Variants in ARHGAP31 observed in about 807,000 individuals in gnomAD.
The protein encoded by ARHGAP31 is rho GTPase-activating protein 31.
A neutral mutation model predicts 113.9 loss-of-function variants in ARHGAP31; 34 were observed. The observed-to-expected ratio is 0.30, with a 90% CI of 0.23 to 0.40. ARHGAP31 has a LOEUF of 0.40. Ranked by LOEUF, ARHGAP31 falls within the 10% of genes least tolerant of loss-of-function variation. ARHGAP31 has a pLI of 1.00. For missense variants in ARHGAP31, 1,548 were observed against 1,767.1 expected, an observed-to-expected ratio of 0.88 and a Z score of 2.22; for synonymous variants, 650 against 684.8, an observed-to-expected ratio of 0.95 and a Z score of 0.79.
chr3:119,295,588 AC>A (rs2079527688), intron 1 of ARHGAP31, among the ~76,000 whole-genome samples: 1 of 150,694 alleles, frequency 6.6e-6, no homozygotes, highest in Non-Finnish European at 1.5e-5. Flanking sequence ...CCTTTCCACA[AC>A]CCCCTCCCCG....
Position 119,402,081 on chromosome 3 carries a change from C to G in ARHGAP31, c.1329C>G (p.Ser443Arg), listed in dbSNP as rs749855882. ...KVFRPVEDPE[S>R]EQTAPKMLGM... ...TCCGGCCTGTTGAGGATCCGGAGAG[C>G]GAGCAAACAGCCCCAAAGATGTTGG... is the stretch of plus-strand genomic sequence containing the variant. Residue 443 changes from serine (S) to arginine (R), a missense_variant, in exon 10 of 12, where the codon AGC becomes AGG. Physicochemically the swap from Ser to Arg is moderately radical, Grantham distance 110. Transcript: ENST00000264245. The G allele has an allele frequency of 1.9e-6, 3 of 1,614,206 alleles. No homozygotes were observed. Among genetic ancestry groups the G allele is most frequent in the Non-Finnish European group, 2.5e-6 (3 of 1,180,036 alleles).
chr3:119,359,666 A>AAC (rs1228006143), intron 1 of ARHGAP31, among the ~76,000 whole-genome samples: 1 of 152,082 alleles, frequency 6.6e-6, no homozygotes, highest in African/African-American at 2.4e-5. Context: ...AGAGGAGTGG[A>AAC]ACAGGGATGG....
chr3:119,388,928 G>A (rs1308943238), intron 6 of ARHGAP31, among the ~76,000 whole-genome samples: 1 of 152,092 alleles, frequency 6.6e-6, no homozygotes, highest in African/African-American at 2.4e-5. Flanking sequence ...AGGCTGAGGC[G>A]GGCAAACCAC....
intron 5 of ARHGAP31, among the ~76,000 whole-genome samples, chr3:119,382,782 A>C (rs1226338099): frequency 2.6e-5 from 4 of 152,190 alleles, no homozygotes; most frequent in African/African-American, 9.7e-5. Context: ...TGCTCCATAG[A>C]ACAGTTAGGT....
intron 6 of ARHGAP31, among the ~76,000 whole-genome samples, chr3:119,390,073 T>A (rs2080490449): frequency 6.6e-6 from 1 of 151,882 alleles, no homozygotes. Flanking sequence ...CAAAATCACC[T>A]CAAGGTGAGA....
At position 119,402,375 on chromosome 3, in the gene ARHGAP31, G is replaced by T. The variant is rs773558649; in HGVS notation, c.1623G>T (p.Pro541=). 3 of 1,613,336 alleles carry T rather than the reference G, an allele frequency of 1.9e-6. No homozygotes were observed. The highest frequency in any genetic ancestry group is 2.2e-5 in the East Asian group (1 of 44,896). The part of the protein sequence containing the change: ...ESGGWPEEEK[P]LGAETSAASV... The stretch of plus-strand genomic sequence containing the variant: ...GAGGCTGGCCAGAAGAAGAGAAACC[G>T]CTGGGAGCTGAGACTTCTGCAGGTA... The change falls in exon 10 of 12, where the codon CCG becomes CCT. Residue 541 remains proline, a synonymous_variant. Transcript: ENST00000264245.
intron 1 of ARHGAP31, among the ~76,000 whole-genome samples, chr3:119,332,623 TCTCTCTCTCTCTCACA>T (rs1268014675): frequency 6.1e-4 from 72 of 118,830 alleles, no homozygotes; most frequent in South Asian, 2.1e-3. Context: ...TCTCTCTCTC[TCTCTCTCTCTCTCACA>T]CACACACACA....
At chr3:119,332,931 T>C (rs1013503149) in intron 1 of ARHGAP31, among the ~76,000 whole-genome samples, 5 of 152,186 alleles carry the variant, frequency 3.3e-5, no homozygotes, top group African/African-American at 1.2e-4. Flanking sequence ...GCAGATGTTA[T>C]TTAATTCAAC....
At chr3:119,373,531 A>ACGG (rs2080321195) in intron 3 of ARHGAP31, among the ~76,000 whole-genome samples, 1 of 151,836 alleles carries the variant, frequency 6.6e-6, no homozygotes, top group Admixed American at 6.6e-5. Context: ...TGGTGCGATC[A>ACGG]CGGCTCACTG....
rs2080392608 is a variant in ARHGAP31, at chr3:119,381,058, A to G, written c.431+72A>G. 1.0e-5 allele frequency: 15 copies of G among 1,443,690 alleles called. No homozygotes were observed. The South Asian group carries it at 1.2e-4, about 11-fold the overall frequency. 89.4% of individuals were successfully genotyped at this position (1,443,690 alleles called of 1,614,324 possible). On this transcript the variant is annotated intron_variant, in intron 4 of 11. Transcript: ENST00000264245. ...AATACCAAAGAGACAGGCTGGCATC[A>G]TGGAAAGGAAACAATGTGTGGACAG...
At chr3:119,391,487 C>G (rs1243580613) in intron 7 of ARHGAP31, among the ~76,000 whole-genome samples, 2 of 151,628 alleles carry the variant, frequency 1.3e-5, no homozygotes, top group Admixed American at 6.6e-5. Flanking sequence ...TCTGTCAGAG[C>G]CTTCCCTCAT....
chr3:119,416,321 AG>A lies in ARHGAP31; in HGVS notation c.*60del, dbSNP rs2080779142. ...CCGTGATTCATCTGGAAGTTATTAC[AG>A]GGCCAGCTTGCCATATTCCAGGCAC... On this transcript the variant is annotated 3_prime_UTR_variant, in exon 12 of 12. Transcript: ENST00000264245. 57 of 1,604,832 alleles carry A rather than the reference AG, an allele frequency of 3.6e-5. No individual in the cohort carries two copies. In the South Asian group the frequency reaches 6.0e-4, roughly 17 times the overall value.
At chr3:119,400,945 C>A (rs1367302782) in intron 9 of ARHGAP31, among the ~76,000 whole-genome samples, 1 of 152,104 alleles carries the variant, frequency 6.6e-6, no homozygotes, top group Non-Finnish European at 1.5e-5. Flanking sequence ...CCGAGGCAGG[C>A]AGATCACCTG....
chr3:119,332,263 G>A (rs1394419410), intron 1 of ARHGAP31, among the ~76,000 whole-genome samples: 1 of 151,822 alleles, frequency 6.6e-6, no homozygotes, highest in East Asian at 1.9e-4. Context: ...ACAATGGCAT[G>A]ATCTCGGCTC....
chr3:119,357,990 A>G (rs1310277903), intron 1 of ARHGAP31, among the ~76,000 whole-genome samples: 1 of 152,250 alleles, frequency 6.6e-6, no homozygotes, highest in African/African-American at 2.4e-5. Flanking sequence ...TACAAAAAGC[A>G]CAAGCAACAA....
At chr3:119,304,113 G>A (rs762530039) in intron 1 of ARHGAP31, among the ~76,000 whole-genome samples, 9 of 152,126 alleles carry the variant, frequency 5.9e-5, no homozygotes, top group Non-Finnish European at 1.2e-4. Flanking sequence ...GTTTTAATCA[G>A]ATCCTATCTG....
intron 1 of ARHGAP31, chr3:119,314,742 C>G (rs1228984228): frequency 6.6e-6 from 1 of 152,230 alleles, no homozygotes; most frequent in Non-Finnish European, 1.5e-5. Context: ...AGCAAATCAT[C>G]ATACTTTCTG....
chr3:119,295,286 G>A (rs1288734163), intron 1 of ARHGAP31, among the ~76,000 whole-genome samples: 2 of 151,920 alleles, frequency 1.3e-5, no homozygotes, highest in Non-Finnish European at 2.9e-5. Context: ...GGCCACCTCA[G>A]GGGATGGGGG....
Position 119,364,748 on chromosome 3 carries a change from C to G in ARHGAP31, c.101-568C>G, listed in dbSNP as rs1030041205. On this transcript the variant is annotated intron_variant, in intron 1 of 11. Coordinates refer to ENST00000264245, the MANE Select transcript of ARHGAP31 (RefSeq NM_020754.4). The stretch of plus-strand genomic sequence containing the variant: ...CCGAGTTGTGGAATGTCCAAGCTCA[C>G]CACTGGTCTCAAAATCTAAGTTTTT... Among the ~76,000 whole-genome samples the G allele has an allele frequency of 2.0e-5, 3 of 152,280 alleles. No homozygotes were observed. In the South Asian group the frequency reaches 6.2e-4, roughly 32 times the overall value.
Sources: gnomAD v4.1 joint callset for allele counts (sites outside exome capture counted in the v4.1 genomes callset) on GRCh38, gnomAD v4.1.1 for gene constraint, MANE v1.5 for transcripts, NCBI Gene and HGNC (gene_info 2026-07-23, HGNC 2026-07-21) for gene names.